Variants in CTU2 observed in about 807,000 individuals in gnomAD.
CTU2 encodes the protein cytoplasmic tRNA 2-thiolation protein 2.
CTU2 carries 80 observed loss-of-function variants against 64.1 expected under a neutral mutation model. The ratio of observed to expected loss-of-function variants is 1.25; its 90% CI spans 1.04 to 1.50. CTU2 has a LOEUF of 1.50. CTU2 is among the 40% of genes most tolerant of loss of function. The probability of loss-of-function intolerance (pLI) is 0.00; values close to 1 mark genes in which losing one functional copy is unlikely to be tolerated. For synonymous variants in CTU2, 482 were observed against 285.3 expected, an observed-to-expected ratio of 1.69 and a Z score of -6.95; for missense variants, 1,110 against 690.2, an observed-to-expected ratio of 1.61 and a Z score of -6.81.
intron 4 of CTU2, 49 bp downstream of exon 4, chr16:88,710,331 G>T: frequency 6.3e-7 from 1 of 1,599,302 alleles, no homozygotes; most frequent in Non-Finnish European, 8.6e-7. Context: ...TGAGCTTCAG[G>T]CTGGGGGCCT....
At chr16:88,706,876 C>T (rs1910893006) in intron 1 of CTU2, 1 of 557,580 alleles carries the variant, frequency 1.8e-6, no homozygotes, top group Non-Finnish European at 3.2e-6. Flanking sequence ...AGCTGTCTCG[C>T]CTCCCCGTGT....
chr16:88,708,220 C>T (rs1911056997), intron 2 of CTU2, among the ~76,000 whole-genome samples: 1 of 152,188 alleles, frequency 6.6e-6, no homozygotes, highest in African/African-American at 2.4e-5. Context: ...ATGCTAGGCC[C>T]TTGTGGCCAG....
rs750638030 is a variant in CTU2, at chr16:88,709,920, C to T, written c.144-18C>T. 1.9e-6 allele frequency: 3 copies of T among 1,612,298 alleles called. No individual in the cohort carries two copies. The African/African-American group carries it at 4.0e-5, about 22-fold the overall frequency. On this transcript the variant is annotated intron_variant, in intron 2 of 14. Transcript: ENST00000453996. ...TGCGGGTAGCAGGCGGTTCCCTCAT[C>T]TCAGGTCTGTGTTGCAGGGACTGTT... is the stretch of plus-strand genomic sequence containing the variant.
chr16:88,712,604 T>C lies in CTU2; in HGVS notation c.454-18T>C. 1 of 1,604,878 alleles carries C rather than the reference T, an allele frequency of 6.2e-7. No individual in the cohort carries two copies. The highest frequency in any genetic ancestry group is 1.7e-5 in the Admixed American group (1 of 59,348). On this transcript the variant is annotated intron_variant, in intron 6 of 14. Coordinates refer to ENST00000453996, the MANE Select transcript of CTU2 (RefSeq NM_001012759.3). ...GCCCGTGTCCCGGGCCTCACTGGCG[T>C]CTCCCTCATCCCGGAAGGTGTTCAG... is the stretch of plus-strand genomic sequence containing the variant.
At chr16:88,711,121 C>T (rs1911287193) in intron 4 of CTU2, among the ~76,000 whole-genome samples, 2 of 151,980 alleles carry the variant, frequency 1.3e-5, no homozygotes, top group Admixed American at 6.5e-5. Context: ...CATGGCACAA[C>T]ACTGCTGAAA....
intron 4 of CTU2, 103 bp downstream of exon 4, chr16:88,710,385 C>A: frequency 8.1e-7 from 1 of 1,236,958 alleles, no homozygotes; most frequent in Admixed American, 1.8e-5. Flanking sequence ...GGCTAGAGAG[C>A]AGTCCACCCT....
rs759439135 is a variant in CTU2, at chr16:88,714,750, C to T, written c.1352+13C>T. The stretch of plus-strand genomic sequence containing the variant: ...GGGCCTGCAGGAGGTGAGTCCCTGT[C>T]CCTGCCACCCATGGCCAGCTGCATG... On this transcript the variant is annotated intron_variant, in intron 12 of 14. Transcript: ENST00000453996. 2 of 1,605,608 alleles carry T rather than the reference C, an allele frequency of 1.2e-6. No individual in the cohort carries two copies. The highest frequency in any genetic ancestry group is 2.2e-5 in the South Asian group (2 of 90,508).
rs776500949 is a variant in CTU2 at position 88,711,682 on chromosome 16, C to T, written c.330C>T (p.Val110=). 2.0e-5 allele frequency: 32 copies of T among 1,608,506 alleles called. No individual in the cohort carries two copies. The highest frequency in any genetic ancestry group is 2.6e-5 in the Non-Finnish European group (31 of 1,176,650). The change falls in exon 5 of 15, where the codon GTC becomes GTT. Residue 110 remains valine (V), a synonymous_variant. Transcript: ENST00000453996. ...SAKRLRFVAG[V]IFVDEGAACG... ...AAAGACTGCGCTTTGTGGCAGGAGT[C>T]ATCTTTGTTGACGGTATGTGGGGCC...
Position 88,706,614 on chromosome 16 carries a change from C to T in CTU2, c.68+16C>T, listed in dbSNP as rs1424950900. 1.4e-6 allele frequency: 2 copies of T among 1,397,834 alleles called. No homozygotes were observed. The highest frequency in any genetic ancestry group is 3.0e-5 in the East Asian group (1 of 33,006). The allele number at this position is 1,397,834 out of a possible 1,614,324, so 86.6% of individuals were successfully genotyped here. On this transcript the variant is annotated intron_variant, in intron 1 of 14. Transcript: ENST00000453996. The stretch of plus-strand genomic sequence containing the variant: ...CGCGGCCCAGGTAAGAGCTGGCGGC[C>T]GGACCCGCCAGGCCGCCCCTCGCCT...
chr16:88,708,788 C>A (rs887676525), intron 2 of CTU2, among the ~76,000 whole-genome samples: 1 of 152,252 alleles, frequency 6.6e-6, no homozygotes, highest in Non-Finnish European at 1.5e-5. Flanking sequence ...CTTGCAGTGG[C>A]ATTGTCCGCT....
chr16:88,713,529 G>T (rs922582321), intron 8 of CTU2, 82 bp downstream of exon 8: 12 of 1,483,478 alleles, frequency 8.1e-6, no homozygotes, highest in South Asian at 1.3e-5. Flanking sequence ...AGCCTCTCGC[G>T]TATCAGTCCT....
intron 2 of CTU2, chr16:88,709,167 A>G (rs1160037388): frequency 3.3e-5 from 5 of 152,246 alleles, no homozygotes; most frequent in Admixed American, 1.3e-4. Flanking sequence ...CTGTAGTCCT[A>G]TCTACCTGGG....
Position 88,710,004 on chromosome 16 carries a change from T to C in CTU2, c.210T>C (p.Phe70=), listed in dbSNP as rs1911186987. The C allele has an allele frequency of 6.2e-7, 1 of 1,613,914 alleles. No individual in the cohort carries two copies. Among genetic ancestry groups the C allele is most frequent in the Non-Finnish European group, 8.5e-7 (1 of 1,180,008 alleles). ...TGCTGGGCAAGAACCGGCTCATCTTTCCAGGCGAGAAGGTAGCGTCTGGGT... is the reference window on the plus strand; with the variant it reads ...TGCTGGGCAAGAACCGGCTCATCTTCCCAGGCGAGAAGGTAGCGTCTGGGT... The part of the protein sequence containing the change: ...RAMLGKNRLI[F]PGEKVLLAWS... Residue 70 remains phenylalanine, a synonymous_variant, in exon 3 of 15, where the codon TTT becomes TTC. Coordinates refer to ENST00000453996, the MANE Select transcript of CTU2 (RefSeq NM_001012759.3).
chr16:88,709,941 CT>C lies in CTU2; in HGVS notation c.148del (p.Cys50ValfsTer47). 1 of 1,613,930 alleles carries C rather than the reference CT, an allele frequency of 6.2e-7. No homozygotes were observed. ...IRAGDAFCRD[C>X]FKAFYVHKFR... ...TCATCTCAGGTCTGTGTTGCAGGGA[CT>C]GTTTCAAGGCCTTCTACGTCCACAA... is the stretch of plus-strand genomic sequence containing the variant. On this transcript the variant is annotated frameshift_variant, in exon 3 of 15. Coordinates refer to ENST00000453996, the MANE Select transcript of CTU2 (RefSeq NM_001012759.3). LOFTEE classifies it high-confidence loss of function.
At chr16:88,707,702 T>C (rs1396519654) in intron 2 of CTU2, among the ~76,000 whole-genome samples, 2 of 152,166 alleles carry the variant, frequency 1.3e-5, no homozygotes, top group Non-Finnish European at 2.9e-5. Flanking sequence ...CATTGTATTG[T>C]TCAGTTGTTT....
rs926691937 is a variant in CTU2 at position 88,706,684 on chromosome 16, C to T, written c.68+86C>T. The T allele has an allele frequency of 1.3e-5, 13 of 1,028,124 alleles. No individual in the cohort carries two copies. In the Admixed American group the frequency reaches 2.4e-4, roughly 19 times the overall value. 63.7% of individuals were successfully genotyped at this position (1,028,124 alleles called of 1,614,324 possible). On this transcript the variant is annotated intron_variant, in intron 1 of 14. Coordinates refer to ENST00000453996, the MANE Select transcript of CTU2 (RefSeq NM_001012759.3). ...CGAAGGGTCCCGGCCGGGCTTGCTC[C>T]GGGAAGCCCCGCGTGGAGAGCGGGA...
chr16:88,706,741 C>G (rs1910874597), intron 1 of CTU2, 143 bp downstream of exon 1: 2 of 593,940 alleles, frequency 3.4e-6, no homozygotes, highest in African/African-American at 1.9e-5. Flanking sequence ...GAATGCCTGT[C>G]AAGCGGTGAC....
rs769186566 is a variant in CTU2, at chr16:88,714,740, G to T, written c.1352+3G>T. Reference sequence around the variant, plus strand: ...TGTGGCCAGGGGGCCTGCAGGAGGTGAGTCCCTGTCCCTGCCACCCATGGC... The same window carrying T: ...TGTGGCCAGGGGGCCTGCAGGAGGTTAGTCCCTGTCCCTGCCACCCATGGC... On this transcript the variant is annotated splice_donor_region_variant and intron_variant, in intron 12 of 14. Transcript: ENST00000453996. 6.2e-7 allele frequency: 1 copy of T among 1,607,012 alleles called. No individual in the cohort carries two copies. The highest frequency in any genetic ancestry group is 1.7e-5 in the Admixed American group (1 of 59,418).
chr16:88,711,763 G>T (rs1010086009), intron 5 of CTU2, 68 bp downstream of exon 5: 34 of 1,439,880 alleles, frequency 2.4e-5, no homozygotes, highest in African/African-American at 4.2e-5. Context: ...CCTCCCTCTG[G>T]TGTGGACCCT....
Sources: allele counts gnomAD v4.1 joint callset (sites outside exome capture counted in the v4.1 genomes callset), GRCh38; gene constraint gnomAD v4.1.1; transcripts MANE v1.5; gene names NCBI Gene and HGNC (gene_info 2026-07-23, HGNC 2026-07-21).